Variants in BMPER observed in about 807,000 individuals in gnomAD.
BMPER encodes the protein BMP binding endothelial regulator, also known as BMP-binding endothelial regulator protein.
A neutral mutation model predicts 87.3 loss-of-function variants in BMPER; 45 were observed. The ratio of observed to expected loss-of-function variants is 0.52; its 90% CI spans 0.41 to 0.66. The LOEUF (loss-of-function observed/expected upper bound fraction) is 0.66. BMPER is among the 30% of genes least tolerant of loss of function. BMPER has a pLI of 0.00. For synonymous variants in BMPER, 326 were observed against 316.2 expected (o/e 1.03, Z -0.33); for missense variants, 784 against 867.5 (o/e 0.90, Z 1.21).
At chr7:34,072,750 G>A (rs560790749) in intron 11 of BMPER, among the ~76,000 whole-genome samples, 242 of 152,212 alleles carry the variant, frequency 1.6e-3, no homozygotes, top group Non-Finnish European at 2.0e-3. Context: ...TTATTCTGCC[G>A]ACCACTCTTG....
chr7:34,057,750 C>T (rs571730041), intron 9 of BMPER, among the ~76,000 whole-genome samples: 2 of 152,046 alleles, frequency 1.3e-5, no homozygotes, highest in Admixed American at 6.5e-5. Context: ...CAGGGTGGAA[C>T]TAAGTAAACA....
chr7:33,968,816 T>C (rs1052347960), intron 4 of BMPER, among the ~76,000 whole-genome samples: 2 of 152,202 alleles, frequency 1.3e-5, no homozygotes, highest in Admixed American at 6.5e-5. Flanking sequence ...TACCTTTATT[T>C]TCCTGCTTTT....
rs60379008 is a variant in BMPER, at chr7:34,086,837, C to T, written c.1745+745C>T. Among the ~76,000 whole-genome samples, 1,471 of 152,238 alleles carry T rather than the reference C, an allele frequency of 9.7e-3. 12 individuals carry two copies. The highest frequency in any genetic ancestry group is 0.033 in the African/African-American group (1,367 of 41,540). On this transcript the variant is annotated intron_variant, in intron 13 of 14. Coordinates refer to ENST00000649409, the MANE Select transcript of BMPER (RefSeq NM_001365308.1). ...GATGAGTTTGGCCTGGGTGTACTTC[C>T]ATTTACTACACAATTCCATGGGTTC...
chr7:34,050,476 T>G (rs571489911), intron 7 of BMPER, among the ~76,000 whole-genome samples: 148 of 152,246 alleles, frequency 9.7e-4, no homozygotes, highest in African/African-American at 3.4e-3. Flanking sequence ...GGCCTTGAGG[T>G]TGGCTATGAT....
chr7:33,924,576 A>C (rs1381466902), intron 2 of BMPER, among the ~76,000 whole-genome samples: 4 of 152,236 alleles, frequency 2.6e-5, no homozygotes, highest in African/African-American at 9.6e-5. Flanking sequence ...CCTGGAGCAC[A>C]CATATCCAAT....
chr7:34,022,490 G>A (rs548492431), intron 6 of BMPER, among the ~76,000 whole-genome samples: 16 of 151,866 alleles, frequency 1.1e-4, no homozygotes, highest in Non-Finnish European at 1.9e-4. Context: ...ATCTGAACTT[G>A]TTCATAAAAG....
In BMPER at chr7:34,152,959, T is replaced by TA. The variant is rs1791216918; in HGVS notation, c.1877-129dup. The stretch of plus-strand genomic sequence containing the variant: ...TGTTGGGTGTTTGTCATTCTCTTGT[T>TA]AAAATGCAAATGTGATCCTGAGCTA... On this transcript the variant is annotated intron_variant, in intron 14 of 14. Transcript: ENST00000649409. The TA allele has an allele frequency of 4.7e-6, 5 of 1,054,752 alleles. No homozygotes were observed. In the Admixed American group the frequency reaches 8.6e-5, roughly 18 times the overall value. The allele number at this position is 1,054,752 out of a possible 1,614,324, so 65.3% of individuals were successfully genotyped here.
At chr7:34,119,044 G>A (rs534958009) in intron 13 of BMPER, among the ~76,000 whole-genome samples, 2 of 28,388 alleles carry the variant, frequency 7.0e-5, no homozygotes, top group South Asian at 2.6e-3. Flanking sequence ...ACACGCACTC[G>A]ATACGATGAC....
In BMPER at chr7:34,078,920, A is replaced by G. The variant is rs760751991; in HGVS notation, c.1142A>G (p.Asn381Ser). 6.8e-6 allele frequency: 11 copies of G among 1,613,982 alleles called. No homozygotes were observed. The highest frequency in any genetic ancestry group is 8.5e-6 in the Non-Finnish European group (10 of 1,180,024). ...AACACTTTTGACGGTCGGACATTTA[A>G]CTTTCAGGGGACGTGTCAGTACGTT... ...HYNTFDGRTF[N>S]FQGTCQYVLT... The change falls in exon 12 of 15, where the codon AAC (asparagine) becomes AGC (serine). Residue 381 changes from asparagine (N) to serine (S), a missense_variant. Physicochemically the swap from Asn to Ser is conservative, Grantham distance 46. Transcript: ENST00000649409.
intron 6 of BMPER, among the ~76,000 whole-genome samples, chr7:34,017,772 A>G (rs1787070262): frequency 6.6e-6 from 1 of 151,898 alleles, no homozygotes; most frequent in Admixed American, 6.6e-5. Flanking sequence ...TTCCCAAGTA[A>G]TGCTGAGGCT....
chr7:34,143,961 C>T (rs941839084), intron 14 of BMPER, among the ~76,000 whole-genome samples: 9 of 152,020 alleles, frequency 5.9e-5, no homozygotes, highest in African/African-American at 2.2e-4. Context: ...AGATGAAGCC[C>T]CAGTCATTGA....
At chr7:34,090,191 T>C (rs1474964611) in intron 13 of BMPER, among the ~76,000 whole-genome samples, 1 of 152,220 alleles carries the variant, frequency 6.6e-6, no homozygotes, top group Non-Finnish European at 1.5e-5. Context: ...CCCTCTTTAA[T>C]AATTGTTTGC....
chr7:34,134,393 C>T lies in BMPER; in HGVS notation c.1746-8837C>T, dbSNP rs145030893. On this transcript the variant is annotated intron_variant, in intron 13 of 14. Coordinates refer to ENST00000649409, the MANE Select transcript of BMPER (RefSeq NM_001365308.1). The stretch of plus-strand genomic sequence containing the variant: ...TCGGCCACTAGAGGGGGGTCGTGAC[C>T]AAGCTTCCCTCTCCCTGGCCAGCTC... Among the ~76,000 whole-genome samples, 113 of 152,168 alleles carry T rather than the reference C, an allele frequency of 7.4e-4. No individual in the cohort carries two copies. The Middle Eastern group carries it at 0.02, about 27-fold the overall frequency.
chr7:34,053,047 T>C (rs1788187397), intron 8 of BMPER, among the ~76,000 whole-genome samples: 5 of 152,298 alleles, frequency 3.3e-5, no homozygotes, highest in Admixed American at 3.3e-4. Context: ...ACTGAGCCTT[T>C]GATGAAACAT....
At position 34,086,095 on chromosome 7, in the gene BMPER, A is replaced by G. The variant is rs751160400; in HGVS notation, c.1745+3A>G. ...GTGGACTACGCCACTTTCTACCGGT[A>G]AGTACAGTGTTCTGGGGAATGGTTT... is the stretch of plus-strand genomic sequence containing the variant. On this transcript the variant is annotated splice_donor_region_variant and intron_variant, in intron 13 of 14. Coordinates refer to ENST00000649409, the MANE Select transcript of BMPER (RefSeq NM_001365308.1). The G allele has an allele frequency of 4.3e-6, 7 of 1,613,462 alleles. No individual in the cohort carries two copies. In the South Asian group the frequency reaches 6.6e-5, roughly 15 times the overall value.
intron 7 of BMPER, among the ~76,000 whole-genome samples, chr7:34,050,451 T>A (rs1490703468): frequency 6.6e-6 from 1 of 152,134 alleles, no homozygotes; most frequent in East Asian, 1.9e-4. Context: ...TAGTTCTGCA[T>A]CTATATTGTA....
intron 5 of BMPER, among the ~76,000 whole-genome samples, chr7:33,972,665 C>T (rs1195120606): frequency 4.6e-5 from 7 of 152,152 alleles, no homozygotes; most frequent in Non-Finnish European, 1.0e-4. Context: ...CACTACCTCC[C>T]ATGCCCACAC....
intron 13 of BMPER, among the ~76,000 whole-genome samples, chr7:34,090,944 T>C (rs955490444): frequency 1.3e-5 from 2 of 152,202 alleles, no homozygotes; most frequent in Non-Finnish European, 2.9e-5. Flanking sequence ...GGAAATGTTC[T>C]TTTCCTTCCA....
chr7:34,060,403 T>G (rs1207381488), intron 10 of BMPER, among the ~76,000 whole-genome samples: 1 of 152,174 alleles, frequency 6.6e-6, no homozygotes, highest in African/African-American at 2.4e-5. Context: ...GCAACTGCTT[T>G]CAGTCTTGAG....
Sources: gnomAD v4.1 joint callset for allele counts (sites outside exome capture counted in the v4.1 genomes callset) on GRCh38, gnomAD v4.1.1 for gene constraint, MANE v1.5 for transcripts, NCBI Gene and HGNC (gene_info 2026-07-23, HGNC 2026-07-21) for gene names.